Variants in DTNBP1 observed in about 807,000 individuals in gnomAD.
DTNBP1 encodes the protein dysbindin.
A neutral mutation model predicts 42.8 loss-of-function variants in DTNBP1; 35 were observed. The ratio of observed to expected loss-of-function variants is 0.82; its 90% CI spans 0.63 to 1.09. DTNBP1 has a LOEUF of 1.09. Ranked by LOEUF, DTNBP1 falls within the 50% of genes least tolerant of loss-of-function variation. The pLI is 0.00. For synonymous variants in DTNBP1, 171 were observed against 162.2 expected, an observed-to-expected ratio of 1.05 and a Z score of -0.41; for missense variants, 457 against 424.2, an observed-to-expected ratio of 1.08 and a Z score of -0.68.
At chr6:15,635,637 T>C (rs1214546444) in intron 4 of DTNBP1, among the ~76,000 whole-genome samples, 1 of 152,258 alleles carries the variant, frequency 6.6e-6, no homozygotes, top group Non-Finnish European at 1.5e-5. Flanking sequence ...AGATAAAAAT[T>C]CATCGAATAT....
chr6:15,626,883 C>T (rs1327334104), intron 5 of DTNBP1, among the ~76,000 whole-genome samples: 1 of 152,168 alleles, frequency 6.6e-6, no homozygotes, highest in Admixed American at 6.5e-5. Flanking sequence ...CCACACCCAG[C>T]ACAAGTACCC....
At chr6:15,607,066 A>C (rs1435417874) in intron 6 of DTNBP1, among the ~76,000 whole-genome samples, 1 of 146,518 alleles carries the variant, frequency 6.8e-6, no homozygotes, top group African/African-American at 2.6e-5. Context: ...GCTGGAGTGC[A>C]GTGGTGTGAG....
chr6:15,543,948 T>G (rs1024137595), intron 7 of DTNBP1, among the ~76,000 whole-genome samples: 1 of 152,186 alleles, frequency 6.6e-6, no homozygotes, highest in African/African-American at 2.4e-5. Flanking sequence ...TCCCCTTCCT[T>G]GTCTGGTGTG....
intron 1 of DTNBP1, among the ~76,000 whole-genome samples, chr6:15,652,636 AT>A (rs904573025): frequency 2.0e-5 from 3 of 151,162 alleles, no homozygotes; most frequent in African/African-American, 4.9e-5. Flanking sequence ...TCTGTAGCAA[AT>A]TTTTTTTTAA....
At chr6:15,523,514 C>A in intron 9 of DTNBP1, 1 of 1,276,152 alleles carries the variant, frequency 7.8e-7, no homozygotes, top group Non-Finnish European at 1.0e-6. Context: ...AAGGCAAGTG[C>A]TGCCTATCTT....
rs1772036127 is a variant in DTNBP1, at chr6:15,523,209, G to A, written c.822C>T (p.Ser274=). 6.2e-7 allele frequency: 1 copy of A among 1,614,176 alleles called. No homozygotes were observed. The highest frequency in any genetic ancestry group is 1.3e-5 in the African/African-American group (1 of 75,070). The part of the protein sequence containing the change: ...TVLSPALGPE[S]STCQNEITLQ... ...GGGTAATCTCATTCTGACAGGTACT[G>A]GATTCAGGCCCTGCAAAATAACGTA... The change falls in exon 10 of 10, where the codon TCC becomes TCT. Residue 274 remains serine (S), a synonymous_variant. Transcript: ENST00000344537.
At chr6:15,611,604 A>G (rs1758408981) in intron 6 of DTNBP1, among the ~76,000 whole-genome samples, 1 of 152,244 alleles carries the variant, frequency 6.6e-6, no homozygotes, top group Non-Finnish European at 1.5e-5. Flanking sequence ...ACTATTCCAG[A>G]TGCCATTAAG....
intron 6 of DTNBP1, among the ~76,000 whole-genome samples, chr6:15,607,076 G>T (rs1758105413): frequency 6.8e-6 from 1 of 147,920 alleles, no homozygotes; most frequent in Admixed American, 6.8e-5. Context: ...AGTGGTGTGA[G>T]CTCAGCTCAC....
intron 7 of DTNBP1, among the ~76,000 whole-genome samples, chr6:15,577,511 A>T (rs1300307621): frequency 1.3e-5 from 2 of 152,244 alleles, no homozygotes; most frequent in Admixed American, 6.5e-5. Flanking sequence ...GTAAGGCAAG[A>T]GAGGACTCAT....
chr6:15,567,233 T>C (rs1384445485), intron 7 of DTNBP1, among the ~76,000 whole-genome samples: 3 of 151,782 alleles, frequency 2.0e-5, no homozygotes, highest in Non-Finnish European at 4.4e-5. Context: ...GGCCAGAGGA[T>C]TGCTTGAGGC....
chr6:15,626,058 T>C (rs1235423491), intron 5 of DTNBP1, among the ~76,000 whole-genome samples: 6 of 152,218 alleles, frequency 3.9e-5, no homozygotes, highest in African/African-American at 9.6e-5. Context: ...ATACAGTTCA[T>C]AGAGACCTAC....
chr6:15,552,953 G>A (rs1431843839), intron 7 of DTNBP1, among the ~76,000 whole-genome samples: 3 of 152,080 alleles, frequency 2.0e-5, no homozygotes, highest in Non-Finnish European at 4.4e-5. Flanking sequence ...GAGTAAGAGG[G>A]TATAAGATTC....
intron 5 of DTNBP1, among the ~76,000 whole-genome samples, chr6:15,626,388 A>C (rs1326092739): frequency 6.6e-6 from 1 of 152,222 alleles, no homozygotes; most frequent in Non-Finnish European, 1.5e-5. Flanking sequence ...CACACAAAAA[A>C]CTGTCTTATG....
chr6:15,607,160 A>C (rs2010546), intron 6 of DTNBP1, among the ~76,000 whole-genome samples: 22,437 of 151,790 alleles, frequency 0.15, 1,867 homozygotes, highest in East Asian at 0.3. Flanking sequence ...ACAGGCACCC[A>C]CTACCACATC....
At chr6:15,542,287 C>T (rs1185417763) in intron 7 of DTNBP1, among the ~76,000 whole-genome samples, 4 of 152,206 alleles carry the variant, frequency 2.6e-5, no homozygotes, top group African/African-American at 9.6e-5. Flanking sequence ...TGCCAACAGT[C>T]TGTCAAATTA....
In DTNBP1 at chr6:15,567,802, A is replaced by G. The variant is rs1775163104; in HGVS notation, c.511+25257T>C. Among the ~76,000 whole-genome samples, 4 of 152,312 alleles carry G rather than the reference A, an allele frequency of 2.6e-5. No individual in the cohort carries two copies. The South Asian group carries it at 8.3e-4, about 32-fold the overall frequency. Reference sequence around the variant, plus strand: ...TTTGGCTCAGAATAAACCTCTTAAAATATTTTATGGAGTTGGATTATTTCA... The same window carrying G: ...TTTGGCTCAGAATAAACCTCTTAAAGTATTTTATGGAGTTGGATTATTTCA... On this transcript the variant is annotated intron_variant, in intron 7 of 9. Coordinates refer to ENST00000344537, the MANE Select transcript of DTNBP1 (RefSeq NM_032122.5).
intron 7 of DTNBP1, among the ~76,000 whole-genome samples, chr6:15,547,178 T>C (rs771830087): frequency 2.0e-5 from 3 of 152,126 alleles, no homozygotes; most frequent in Admixed American, 6.5e-5. Context: ...TTAGAAAAAG[T>C]AGTATAAACC....
chr6:15,660,653 C>T, intron 1 of DTNBP1: 1 of 788,618 alleles, frequency 1.3e-6, no homozygotes, highest in Non-Finnish European at 1.8e-6. Flanking sequence ...ATCCCTTTGG[C>T]ATGTCTCTCC....
At chr6:15,592,915 G>T in intron 7 of DTNBP1, 144 bp downstream of exon 7, 1 of 856,848 alleles carries the variant, frequency 1.2e-6, no homozygotes, top group Non-Finnish European at 1.8e-6. Context: ...CTGTGATTAA[G>T]CAAAACCTAC....
Sources: allele counts gnomAD v4.1 joint callset (sites outside exome capture counted in the v4.1 genomes callset), GRCh38; gene constraint gnomAD v4.1.1; transcripts MANE v1.5; gene names NCBI Gene and HGNC (gene_info 2026-07-23, HGNC 2026-07-21).